The following NEK7 variants were observed in gnomAD, a reference collection of about 807,000 sequenced individuals.
The protein encoded by NEK7 is serine/threonine-protein kinase Nek7.
In NEK7, 18 loss-of-function variants were observed where a neutral mutation model predicts 44.6. That is an observed-to-expected ratio of 0.40 (90% CI 0.28 to 0.60). The LOEUF (loss-of-function observed/expected upper bound fraction) is 0.60. NEK7 is among the 20% of genes least tolerant of loss of function. NEK7 has a pLI of 0.38. For missense variants in NEK7, 256 were observed against 366.5 expected (o/e 0.70, Z 2.46); for synonymous variants, 130 against 121.1 (o/e 1.07, Z -0.48).
At chr1:198,317,265 A>G (rs2103047345) in intron 9 of NEK7, among the ~76,000 whole-genome samples, 1 of 152,306 alleles carries the variant, frequency 6.6e-6, no homozygotes, top group Middle Eastern at 3.4e-3. Context: ...AGGAAAAGCA[A>G]ACTCCAAGGT....
At chr1:198,170,165 C>T (rs1369443681) in intron 1 of NEK7, among the ~76,000 whole-genome samples, 2 of 152,130 alleles carry the variant, frequency 1.3e-5, no homozygotes, top group Non-Finnish European at 2.9e-5. Flanking sequence ...GGGATCTAGT[C>T]TGAGATGCTT....
At chr1:198,257,833 A>G (rs1453916394) in intron 3 of NEK7, among the ~76,000 whole-genome samples, 1 of 152,212 alleles carries the variant, frequency 6.6e-6, no homozygotes, top group Non-Finnish European at 1.5e-5. Flanking sequence ...AGTTTTATGG[A>G]TTGTTTAACA....
chr1:198,289,133 G>GT (rs1343881984), intron 7 of NEK7, among the ~76,000 whole-genome samples: 2 of 3,024 alleles, frequency 6.6e-4, no homozygotes, highest in Non-Finnish European at 9.3e-4. Flanking sequence ...CCCTGAAGTT[G>GT]TGTGTGTGTG....
intron 1 of NEK7, among the ~76,000 whole-genome samples, chr1:198,165,594 A>C (rs1398430450): frequency 3.9e-5 from 6 of 152,168 alleles, no homozygotes; most frequent in Non-Finnish European, 8.8e-5. Flanking sequence ...ATACTCAAAA[A>C]ACCATGCTGT....
At chr1:198,204,152 C>T (rs370684298) in intron 1 of NEK7, among the ~76,000 whole-genome samples, 20 of 152,190 alleles carry the variant, frequency 1.3e-4, no homozygotes, top group East Asian at 9.7e-4. Context: ...CCCAGCTACC[C>T]GGGAGGCTGG....
At chr1:198,184,099 T>G (rs1007756587) in intron 1 of NEK7, among the ~76,000 whole-genome samples, 3 of 152,196 alleles carry the variant, frequency 2.0e-5, no homozygotes, top group Admixed American at 1.3e-4. Context: ...ACATGCCAGA[T>G]TTTAGAATTT....
chr1:198,256,609 GTAT>G, intron 3 of NEK7: 1 of 1,178,184 alleles, frequency 8.5e-7, no homozygotes, highest in Non-Finnish European at 1.2e-6. Flanking sequence ...CATTCCTCCA[GTAT>G]TTATTGGCCA....
intron 3 of NEK7, among the ~76,000 whole-genome samples, chr1:198,258,038 G>A (rs1653334161): frequency 6.6e-6 from 1 of 152,218 alleles, no homozygotes; most frequent in African/African-American, 2.4e-5. Context: ...AACTAGAGGA[G>A]GAGAGCATTT....
intron 5 of NEK7, among the ~76,000 whole-genome samples, chr1:198,272,940 T>A (rs1653901172): frequency 1.3e-5 from 2 of 151,934 alleles, no homozygotes; most frequent in South Asian, 4.1e-4. Context: ...TTAAGAGGTT[T>A]TTTTCCCTCA....
chr1:198,305,061 AGT>A (rs982311154), intron 9 of NEK7, among the ~76,000 whole-genome samples: 2 of 151,986 alleles, frequency 1.3e-5, no homozygotes, highest in Non-Finnish European at 2.9e-5. Context: ...ACAAGTAGAA[AGT>A]GATGCAAACT....
chr1:198,183,792 A>G (rs1302338152), intron 1 of NEK7, among the ~76,000 whole-genome samples: 1 of 152,210 alleles, frequency 6.6e-6, no homozygotes, highest in Non-Finnish European at 1.5e-5. Context: ...TGTTCTGAGC[A>G]CTGGAAACAC....
At chr1:198,182,620 A>G (rs1302440209) in intron 1 of NEK7, among the ~76,000 whole-genome samples, 1 of 152,166 alleles carries the variant, frequency 6.6e-6, no homozygotes, top group Non-Finnish European at 1.5e-5. Context: ...TTTTGGAAAC[A>G]TTACTTATGT....
intron 1 of NEK7, among the ~76,000 whole-genome samples, chr1:198,230,320 C>G (rs188530041): frequency 1.7e-3 from 259 of 152,210 alleles, no homozygotes; most frequent in Non-Finnish European, 2.9e-3. Flanking sequence ...ACTGCATAAA[C>G]ATGATTATTT....
Position 198,210,741 on chromosome 1 carries a change from C to CTTTTTTTT in NEK7, c.-28-21790_-28-21783dup, listed in dbSNP as rs140181207. On this transcript the variant is annotated intron_variant, in intron 1 of 9. Transcript: ENST00000367385. ...GTCATTGTCCCTTCAATTTGTATTT[C>CTTTTTTTT]TTTTTTTTTTTTTTTTTTTTTTTTT... 1.3e-3 allele frequency among the ~76,000 whole-genome samples: 74 copies of CTTTTTTTT among 57,538 alleles called. 3 individuals carry two copies. Among genetic ancestry groups the CTTTTTTTT allele is most frequent in the Non-Finnish European group, 1.8e-3 (55 of 31,002 alleles). The allele number at this position is 57,538 out of a possible 152,430, so 37.7% of individuals were successfully genotyped here.
intron 1 of NEK7, among the ~76,000 whole-genome samples, chr1:198,194,122 T>C (rs1439989812): frequency 6.6e-6 from 1 of 152,220 alleles, no homozygotes; most frequent in Non-Finnish European, 1.5e-5. Context: ...CAGCAAAGTC[T>C]CAGAATACAA....
intron 5 of NEK7, among the ~76,000 whole-genome samples, chr1:198,265,036 G>A (rs1313472525): frequency 1.3e-5 from 2 of 152,042 alleles, no homozygotes; most frequent in Non-Finnish European, 2.9e-5. Context: ...ATAAAAGTCT[G>A]GGGCTAGTAT....
chr1:198,241,224 A>G (rs1017896864), intron 2 of NEK7, among the ~76,000 whole-genome samples: 1 of 152,212 alleles, frequency 6.6e-6, no homozygotes, highest in Non-Finnish European at 1.5e-5. Flanking sequence ...TATTGTTACT[A>G]TGTGAATATT....
chr1:198,266,649 T>G (rs1653663503), intron 5 of NEK7, among the ~76,000 whole-genome samples: 1 of 152,046 alleles, frequency 6.6e-6, no homozygotes, highest in African/African-American at 2.4e-5. Context: ...ATTGAGCCAG[T>G]TTCTACATCA....
At chr1:198,193,912 C>T (rs1476487651) in intron 1 of NEK7, among the ~76,000 whole-genome samples, 1 of 152,128 alleles carries the variant, frequency 6.6e-6, no homozygotes, top group Non-Finnish European at 1.5e-5. Context: ...TGGCACAAGG[C>T]AAGGAAGCCC....
Sources: gnomAD v4.1 joint callset for allele counts (sites outside exome capture counted in the v4.1 genomes callset) on GRCh38, gnomAD v4.1.1 for gene constraint, MANE v1.5 for transcripts, NCBI Gene and HGNC (gene_info 2026-07-23, HGNC 2026-07-21) for gene names.